The following FOXP1 variants were observed in gnomAD, a reference collection of about 807,000 sequenced individuals.
FOXP1 encodes the protein forkhead box P1, also known as forkhead box protein P1.
In FOXP1, 15 loss-of-function variants were observed where a neutral mutation model predicts 98.2. The ratio of observed to expected loss-of-function variants is 0.15; its 90% CI spans 0.10 to 0.24. The LOEUF is 0.24. Ranked by LOEUF, FOXP1 falls within the 10% of genes least tolerant of loss-of-function variation. The pLI is 1.00. For missense variants in FOXP1, 633 were observed against 848.5 expected (o/e 0.75, Z 3.15); for synonymous variants, 371 against 314.5 (o/e 1.18, Z -1.90).
At chr3:71,392,756 C>A (rs1295350748) in intron 3 of FOXP1, among the ~76,000 whole-genome samples, 2 of 152,074 alleles carry the variant, frequency 1.3e-5, no homozygotes, top group Admixed American at 6.5e-5. Context: ...CTTTTTTTAA[C>A]TAGTGTAATT....
intron 3 of FOXP1, among the ~76,000 whole-genome samples, chr3:71,395,100 CAAAAAAAA>C (rs10543398): frequency 2.8e-4 from 18 of 63,808 alleles, no homozygotes; most frequent in South Asian, 5.7e-4. Context: ...AACCCCGTCA[CAAAAAAAA>C]AAAAAAAAAA....
intron 4 of FOXP1, among the ~76,000 whole-genome samples, chr3:71,350,310 C>G (rs989219232): frequency 6.6e-6 from 1 of 152,128 alleles, no homozygotes; most frequent in Non-Finnish European, 1.5e-5. Flanking sequence ...GGCTACTTGG[C>G]AACTCCTGTT....
intron 17 of FOXP1, among the ~76,000 whole-genome samples, chr3:70,976,494 A>G (rs1372882241): frequency 6.6e-6 from 1 of 152,222 alleles, no homozygotes; most frequent in Non-Finnish European, 1.5e-5. Context: ...TGGGTTAATG[A>G]GCTATTTATC....
At chr3:71,218,102 G>T (rs1265943189) in intron 5 of FOXP1, among the ~76,000 whole-genome samples, 1 of 152,132 alleles carries the variant, frequency 6.6e-6, no homozygotes, top group African/African-American at 2.4e-5. Flanking sequence ...CACTGAATGG[G>T]GAAACTTGCA....
chr3:71,519,110 G>T (rs1240900786), intron 2 of FOXP1, among the ~76,000 whole-genome samples: 1 of 152,158 alleles, frequency 6.6e-6, no homozygotes, highest in Non-Finnish European at 1.5e-5. Flanking sequence ...GCCAGATGTG[G>T]TGGCACATGC....
chr3:71,484,832 G>A (rs1234201005), intron 3 of FOXP1, among the ~76,000 whole-genome samples: 1 of 152,132 alleles, frequency 6.6e-6, no homozygotes, highest in Non-Finnish European at 1.5e-5. Context: ...ACAAAACGTG[G>A]AGGTAAAGAA....
At chr3:71,433,981 C>G (rs2084972899) in intron 3 of FOXP1, among the ~76,000 whole-genome samples, 1 of 152,192 alleles carries the variant, frequency 6.6e-6, no homozygotes, top group South Asian at 2.1e-4. Context: ...TCTTCATATG[C>G]CTCAAGTTTT....
chr3:70,970,952 G>A (rs1323826614), intron 18 of FOXP1, 147 bp from the exon 19 acceptor site: 32 of 695,514 alleles, frequency 4.6e-5, no homozygotes, highest in Non-Finnish European at 6.8e-5. Context: ...CTTTCTCCCC[G>A]TCACTGATTT....
chr3:71,183,878 C>T (rs766014928), intron 6 of FOXP1, among the ~76,000 whole-genome samples: 2 of 152,148 alleles, frequency 1.3e-5, no homozygotes, highest in Non-Finnish European at 2.9e-5. Context: ...CAGCGCCTGG[C>T]GTGGTGGCTC....
At chr3:71,431,564 T>G (rs2084721979) in intron 3 of FOXP1, among the ~76,000 whole-genome samples, 1 of 152,132 alleles carries the variant, frequency 6.6e-6, no homozygotes, top group Non-Finnish European at 1.5e-5. Context: ...GCGAACCAAG[T>G]AAGTGGCGAA....
chr3:71,430,469 T>A (rs2084605723), intron 3 of FOXP1, among the ~76,000 whole-genome samples: 1 of 152,038 alleles, frequency 6.6e-6, no homozygotes, highest in Non-Finnish European at 1.5e-5. Context: ...GTTTTGATGC[T>A]TGTCTGTGAT....
intron 6 of FOXP1, among the ~76,000 whole-genome samples, chr3:71,173,146 T>G (rs2061733888): frequency 6.6e-6 from 1 of 152,160 alleles, no homozygotes; most frequent in Middle Eastern, 3.4e-3. Context: ...TCACCTTTTT[T>G]CCCCCTCTAC....
chr3:71,020,840 T>G (rs1208580236), intron 11 of FOXP1, among the ~76,000 whole-genome samples: 1 of 152,168 alleles, frequency 6.6e-6, no homozygotes, highest in African/African-American at 2.4e-5. Flanking sequence ...CTCTCCAAAT[T>G]TCTGATTCAT....
At chr3:71,088,685 A>G (rs1383123680) in intron 7 of FOXP1, among the ~76,000 whole-genome samples, 1 of 152,212 alleles carries the variant, frequency 6.6e-6, no homozygotes, top group East Asian at 1.9e-4. Flanking sequence ...GAGACACCAG[A>G]GATGCAGTTA....
chr3:70,979,848 A>C (rs1162504959), intron 14 of FOXP1, among the ~76,000 whole-genome samples: 1 of 152,186 alleles, frequency 6.6e-6, no homozygotes, highest in Admixed American at 6.5e-5. Context: ...TTCATAAAAA[A>C]GCAATGAACC....
chr3:71,056,396 A>G (rs2050648591), intron 7 of FOXP1, among the ~76,000 whole-genome samples: 1 of 152,112 alleles, frequency 6.6e-6, no homozygotes, highest in Admixed American at 6.5e-5. Context: ...TCCCATAATC[A>G]TTTATTCATT....
intron 5 of FOXP1, among the ~76,000 whole-genome samples, chr3:71,269,668 T>C (rs2070135811): frequency 1.3e-5 from 2 of 152,206 alleles, no homozygotes. Context: ...CTAGGGATAA[T>C]TAAAAGGGCA....
chr3:71,479,760 A>G (rs907051995), intron 3 of FOXP1, among the ~76,000 whole-genome samples: 5 of 152,168 alleles, frequency 3.3e-5, no homozygotes, highest in Non-Finnish European at 1.5e-5. Context: ...TCTTGGGTAG[A>G]CAGAACAGAA....
chr3:71,410,938 C>A (rs762845030), intron 3 of FOXP1, among the ~76,000 whole-genome samples: 2 of 152,170 alleles, frequency 1.3e-5, no homozygotes, highest in Non-Finnish European at 2.9e-5. Context: ...TGCCTTATCA[C>A]GCGTGGCTTC....
Sources: allele counts gnomAD v4.1 joint callset (sites outside exome capture counted in the v4.1 genomes callset), GRCh38; gene constraint gnomAD v4.1.1; transcripts MANE v1.5; gene names NCBI Gene and HGNC (gene_info 2026-07-23, HGNC 2026-07-21).